GOLGA5: variants seen among roughly 807,000 people sequenced by gnomAD.
GOLGA5 encodes the protein golgin A5.
A neutral mutation model predicts 93.5 loss-of-function variants in GOLGA5; 50 were observed. That is an observed-to-expected ratio of 0.53 (90% CI 0.43 to 0.68). The LOEUF is 0.68. GOLGA5 is among the 30% of genes least tolerant of loss of function. The pLI is 0.00. For synonymous variants in GOLGA5, 312 were observed against 304.5 expected (o/e 1.02, Z -0.26); for missense variants, 760 against 856.4 (o/e 0.89, Z 1.40).
chr14:92,819,728 T>A lies in GOLGA5; in HGVS notation c.1512T>A (p.Val504=). ...SELQDMEAQQ[V]NEAESAREQL... ...TTTAGGATATGGAGGCACAGCAAGT[T>A]AATGAAGCAGAATCAGCAAGAGAAC... is the stretch of plus-strand genomic sequence containing the variant. Residue 504 remains valine (V), a synonymous_variant, in exon 8 of 13, where the codon GTT becomes GTA. Transcript: ENST00000163416. The A allele has an allele frequency of 6.2e-7, 1 of 1,613,810 alleles. No homozygotes were observed. Among genetic ancestry groups the A allele is most frequent in the Non-Finnish European group, 8.5e-7 (1 of 1,179,720 alleles).
At chr14:92,796,767 G>A (rs1028079317) in intron 1 of GOLGA5, among the ~76,000 whole-genome samples, 2 of 126,306 alleles carry the variant, frequency 1.6e-5, no homozygotes, top group Admixed American at 8.3e-5. Context: ...TCAGGAGATC[G>A]AGACCATCCC....
chr14:92,806,509 C>T (rs1325032995), intron 2 of GOLGA5, among the ~76,000 whole-genome samples: 1 of 152,104 alleles, frequency 6.6e-6, no homozygotes, highest in Non-Finnish European at 1.5e-5. Flanking sequence ...GATGGGGTTT[C>T]ACCGTGTTGG....
chr14:92,808,272 C>A (rs953495335), intron 3 of GOLGA5, among the ~76,000 whole-genome samples: 1 of 151,864 alleles, frequency 6.6e-6, no homozygotes, highest in Non-Finnish European at 1.5e-5. Context: ...ACAACAAAAA[C>A]AAAGTACTCA....
chr14:92,805,979 T>TAAAA (rs11420333), intron 2 of GOLGA5, among the ~76,000 whole-genome samples: 1 of 137,324 alleles, frequency 7.3e-6, no homozygotes, highest in Admixed American at 7.2e-5. Flanking sequence ...CCAGTTTGAT[T>TAAAA]AAAAAAAAAA....
chr14:92,836,194 T>C (rs1319962126), intron 11 of GOLGA5, among the ~76,000 whole-genome samples: 3 of 152,180 alleles, frequency 2.0e-5, no homozygotes, highest in Non-Finnish European at 4.4e-5. Context: ...CAAAAAAATA[T>C]TTTAATAGTT....
At chr14:92,806,016 A>G (rs1048765115) in intron 2 of GOLGA5, among the ~76,000 whole-genome samples, 1 of 141,946 alleles carries the variant, frequency 7.0e-6, no homozygotes, top group East Asian at 2.1e-4. Flanking sequence ...GTGACCTGTT[A>G]TTACTCTTCT....
At chr14:92,837,159 C>T (rs892065758) in intron 11 of GOLGA5, among the ~76,000 whole-genome samples, 1 of 151,980 alleles carries the variant, frequency 6.6e-6, no homozygotes, top group Non-Finnish European at 1.5e-5. Context: ...GTTTAACAGC[C>T]AAGCCCCAAA....
intron 2 of GOLGA5, among the ~76,000 whole-genome samples, chr14:92,802,314 G>A (rs1884890343): frequency 6.6e-6 from 1 of 151,762 alleles, no homozygotes; most frequent in Admixed American, 6.6e-5. Context: ...GTTTTGCTTT[G>A]TTATTGCTGG....
At position 92,809,363 on chromosome 14, in the gene GOLGA5, T is replaced by TA; in HGVS notation, c.836_837insA (p.Met279IlefsTer11). On this transcript the variant is annotated frameshift_variant, in exon 4 of 13. Transcript: ENST00000163416. LOFTEE classifies it high-confidence loss of function. ...GCTGACCATTCAAAGAGTGATCGAA[T>TA]GACTCGAGGACTCCGAGCCCAAGTA... 6.2e-7 allele frequency: 1 copy of TA among 1,613,696 alleles called. No homozygotes were observed. Among genetic ancestry groups the TA allele is most frequent in the Non-Finnish European group, 8.5e-7 (1 of 1,179,616 alleles).
intron 4 of GOLGA5, among the ~76,000 whole-genome samples, chr14:92,809,926 C>G (rs769510659): frequency 6.6e-6 from 1 of 152,142 alleles, no homozygotes; most frequent in Admixed American, 6.5e-5. Context: ...CCATTGCACT[C>G]CAGCCTGGGC....
Position 92,809,288 on chromosome 14 carries a change from A to G in GOLGA5, c.773-12A>G. 6.3e-7 allele frequency: 1 copy of G among 1,575,332 alleles called. No individual in the cohort carries two copies. Among genetic ancestry groups the G allele is most frequent in the Non-Finnish European group, 8.7e-7 (1 of 1,146,954 alleles). Reference sequence around the variant, plus strand: ...GTTTTGCTTGTATAGAGAAATTTAAATTTTTTAATAGAATTAAACAAAGCA... The same window carrying G: ...GTTTTGCTTGTATAGAGAAATTTAAGTTTTTTAATAGAATTAAACAAAGCA... On this transcript the variant is annotated splice_polypyrimidine_tract_variant and intron_variant, in intron 3 of 12. Coordinates refer to ENST00000163416, the MANE Select transcript of GOLGA5 (RefSeq NM_005113.4).
chr14:92,821,883 GCAA>G (rs1885324170), intron 8 of GOLGA5, among the ~76,000 whole-genome samples: 1 of 152,080 alleles, frequency 6.6e-6, no homozygotes, highest in Non-Finnish European at 1.5e-5. Context: ...ATATTAAAAG[GCAA>G]CAATTTAATG....
intron 2 of GOLGA5, among the ~76,000 whole-genome samples, chr14:92,800,558 A>G (rs531960950): frequency 3.3e-5 from 5 of 152,254 alleles, no homozygotes; most frequent in South Asian, 2.1e-4. Flanking sequence ...CATTACTTCT[A>G]TAATCATTGT....
In GOLGA5 at chr14:92,822,262, G is replaced by A. The variant is rs188371166; in HGVS notation, c.1621-2284G>A. Among the ~76,000 whole-genome samples, 20 of 152,262 alleles carry A rather than the reference G, an allele frequency of 1.3e-4. No individual in the cohort carries two copies. The East Asian group carries it at 3.9e-3, about 29-fold the overall frequency. ...GTGTGATGAACAACTTGAGCTAAAT[G>A]TTTAACAGAGTCTCTAGCAGTGTGC... On this transcript the variant is annotated intron_variant, in intron 8 of 12. Coordinates refer to ENST00000163416, the MANE Select transcript of GOLGA5 (RefSeq NM_005113.4).
intron 8 of GOLGA5, among the ~76,000 whole-genome samples, chr14:92,824,252 T>C (rs997963106): frequency 6.6e-6 from 1 of 152,222 alleles, no homozygotes. Flanking sequence ...CCATTCTTCC[T>C]CATTACAAGA....
intron 9 of GOLGA5, among the ~76,000 whole-genome samples, chr14:92,825,585 G>T (rs1460502768): frequency 6.6e-6 from 1 of 152,170 alleles, no homozygotes; most frequent in Non-Finnish European, 1.5e-5. Context: ...ATTAGGCCAG[G>T]TGAGGTAGTT....
At chr14:92,803,574 AT>A (rs1348567579) in intron 2 of GOLGA5, among the ~76,000 whole-genome samples, 2 of 152,118 alleles carry the variant, frequency 1.3e-5, no homozygotes, top group Non-Finnish European at 2.9e-5. Context: ...TTGGCTTTTC[AT>A]TTCTTCTTGA....
rs545525431 is a variant in GOLGA5 at position 92,823,160 on chromosome 14, C to A, written c.1621-1386C>A. ...TGATGTGTGAGGTGAGCTACAGATC[C>A]AACCTAATTTTCTTCCATATGGCTA... On this transcript the variant is annotated intron_variant, in intron 8 of 12. Coordinates refer to ENST00000163416, the MANE Select transcript of GOLGA5 (RefSeq NM_005113.4). Among the ~76,000 whole-genome samples, 318 of 152,164 alleles carry A rather than the reference C, an allele frequency of 2.1e-3. 2 individuals carry two copies. The highest frequency in any genetic ancestry group is 7.2e-3 in the African/African-American group (298 of 41,516).
At chr14:92,835,529 G>T (rs774620299) in intron 10 of GOLGA5, 30 bp from the exon 11 acceptor site, 83 of 1,412,244 alleles carry the variant, frequency 5.9e-5, no homozygotes, top group Non-Finnish European at 7.5e-5. Flanking sequence ...TTTTATGTCA[G>T]TACACTAATT....
Sources: gnomAD v4.1 joint callset for allele counts (sites outside exome capture counted in the v4.1 genomes callset) on GRCh38, gnomAD v4.1.1 for gene constraint, MANE v1.5 for transcripts, NCBI Gene and HGNC (gene_info 2026-07-23, HGNC 2026-07-21) for gene names.